The following ZEB1 variants were observed in gnomAD, a reference collection of about 807,000 sequenced individuals.
ZEB1 encodes the protein zinc finger E-box-binding homeobox 1.
Under a neutral mutation model 84.9 loss-of-function variants are expected in ZEB1, and 21 were observed. The observed-to-expected ratio is 0.25, with a 90% CI of 0.18 to 0.36. The LOEUF is 0.36. ZEB1 is among the 10% of genes least tolerant of loss of function. The pLI is 1.00. For missense variants in ZEB1, 1,104 were observed against 1,330.2 expected, an observed-to-expected ratio of 0.83 and a Z score of 2.65; for synonymous variants, 420 against 471.1, an observed-to-expected ratio of 0.89 and a Z score of 1.41.
chr10:31,407,570 CT>C (rs2053359108), intron 1 of ZEB1, among the ~76,000 whole-genome samples: 1 of 151,952 alleles, frequency 6.6e-6, no homozygotes, highest in Non-Finnish European at 1.5e-5. Flanking sequence ...GTGCATGTGT[CT>C]TTATAGCAGC....
Position 31,391,231 on chromosome 10 carries a change from TTGTGTGTG to T in ZEB1, c.59-69767_59-69760del, listed in dbSNP as rs780805467. On this transcript the variant is annotated intron_variant, in intron 1 of 8. Transcript: ENST00000424869. ...CAGAGAACAAGAACCACAGGTAAGT[TTGTGTGTG>T]TGTGTGTGTGTGTGTGTGTGTGTGT... Among the ~76,000 whole-genome samples, 827 of 134,780 alleles carry T rather than the reference TTGTGTGTG, an allele frequency of 6.1e-3. 4 individuals are homozygous for T. Among genetic ancestry groups the T allele is most frequent in the South Asian group, 7.4e-3 (29 of 3,942 alleles). The allele number at this position is 134,780 out of a possible 152,430, so 88.4% of individuals were successfully genotyped here.
chr10:31,463,921 G>C (rs1160494483), intron 2 of ZEB1, among the ~76,000 whole-genome samples: 1 of 152,150 alleles, frequency 6.6e-6, no homozygotes, highest in Non-Finnish European at 1.5e-5. Context: ...AAAGGAAGCA[G>C]AAACTGACCC....
chr10:31,482,630 C>A (rs1016786884), intron 2 of ZEB1, among the ~76,000 whole-genome samples: 1 of 151,912 alleles, frequency 6.6e-6, no homozygotes, highest in Non-Finnish European at 1.5e-5. Context: ...AAAGGGTATA[C>A]AAGAATGTTG....
chr10:31,429,387 A>G (rs977478784), intron 1 of ZEB1, among the ~76,000 whole-genome samples: 1 of 152,122 alleles, frequency 6.6e-6, no homozygotes, highest in African/African-American at 2.4e-5. Flanking sequence ...TTGACTCCCA[A>G]TCTCTTCTGG....
intron 2 of ZEB1, among the ~76,000 whole-genome samples, chr10:31,495,407 C>A (rs1203277588): frequency 1.3e-5 from 2 of 151,948 alleles, no homozygotes; most frequent in Admixed American, 6.6e-5. Context: ...ACTGCTTTTA[C>A]TTCTCTAAGA....
In ZEB1 at chr10:31,526,604, CA is replaced by C. The variant is rs1171627134; in HGVS notation, c.2786-63del. 1.8e-5 allele frequency: 28 copies of C among 1,577,520 alleles called. No individual in the cohort carries two copies. The Admixed American group carries it at 4.8e-4, about 27-fold the overall frequency. Reference sequence around the variant, plus strand: ...CCCCTTTCTACAACATGAAGTACCCCAAAAACCGTATAAGGATTTTATTTGC... The same window carrying C: ...CCCCTTTCTACAACATGAAGTACCCCAAAACCGTATAAGGATTTTATTTGC... On this transcript the variant is annotated intron_variant, in intron 8 of 8. Coordinates refer to ENST00000424869, the MANE Select transcript of ZEB1 (RefSeq NM_001174096.2).
intron 8 of ZEB1, among the ~76,000 whole-genome samples, chr10:31,525,005 G>A (rs771808354): frequency 3.0e-4 from 46 of 152,188 alleles, no homozygotes; most frequent in Non-Finnish European, 6.5e-4. Context: ...GTGAGCATAC[G>A]CATGTTTTTC....
chr10:31,346,315 G>GAA (rs2040303096), intron 1 of ZEB1, among the ~76,000 whole-genome samples: 1 of 152,156 alleles, frequency 6.6e-6, no homozygotes, highest in Non-Finnish European at 1.5e-5. Flanking sequence ...TAACTGGATA[G>GAA]TTGGTTTTCA....
chr10:31,342,235 A>AT (rs1311602356), intron 1 of ZEB1, among the ~76,000 whole-genome samples: 1 of 152,130 alleles, frequency 6.6e-6, no homozygotes, highest in Non-Finnish European at 1.5e-5. Context: ...TATTATTCCC[A>AT]TTTTACAGAT....
At chr10:31,462,478 G>A (rs1040113166) in intron 2 of ZEB1, among the ~76,000 whole-genome samples, 5 of 152,144 alleles carry the variant, frequency 3.3e-5, no homozygotes, top group Non-Finnish European at 7.4e-5. Context: ...AGGAGCATCC[G>A]AATTAGAGAA....
chr10:31,455,357 G>T (rs1341697652), intron 1 of ZEB1, among the ~76,000 whole-genome samples: 2 of 152,128 alleles, frequency 1.3e-5, no homozygotes, highest in East Asian at 1.9e-4. Flanking sequence ...CATGGGCAAA[G>T]ACTTCATATC....
chr10:31,332,313 T>TA (rs2036976260), intron 1 of ZEB1, among the ~76,000 whole-genome samples: 1 of 151,534 alleles, frequency 6.6e-6, no homozygotes, highest in Non-Finnish European at 1.5e-5. Context: ...GAATTGTATA[T>TA]TTTTTTTTCC....
intron 8 of ZEB1, among the ~76,000 whole-genome samples, chr10:31,524,850 CTTTTG>C (rs1441242379): frequency 6.6e-6 from 1 of 152,062 alleles, no homozygotes; most frequent in Admixed American, 6.5e-5. Flanking sequence ...AAGTCAAGAT[CTTTTG>C]TTTTAAGTAA....
chr10:31,362,044 G>A (rs568647112), intron 1 of ZEB1, among the ~76,000 whole-genome samples: 38 of 141,776 alleles, frequency 2.7e-4, no homozygotes, highest in Non-Finnish European at 3.5e-4. Context: ...ACGGGGCGGC[G>A]GCGGGGCAGA....
chr10:31,442,995 T>A (rs1360407090), intron 1 of ZEB1, among the ~76,000 whole-genome samples: 5 of 151,830 alleles, frequency 3.3e-5, no homozygotes, highest in Non-Finnish European at 2.9e-5. Flanking sequence ...AGATATAGAA[T>A]TAGGAGTGCT....
At chr10:31,479,448 A>G (rs1464929172) in intron 2 of ZEB1, among the ~76,000 whole-genome samples, 1 of 151,928 alleles carries the variant, frequency 6.6e-6, no homozygotes, top group Non-Finnish European at 1.5e-5. Context: ...TAAGAACACA[A>G]GAAAATTATA....
intron 1 of ZEB1, among the ~76,000 whole-genome samples, chr10:31,370,454 TAGAG>T (rs1253185704): frequency 3.3e-5 from 5 of 152,226 alleles, no homozygotes; most frequent in African/African-American, 1.2e-4. Flanking sequence ...TTACCATTTT[TAGAG>T]AGAGTTTTGA....
In ZEB1 at chr10:31,520,861, C is replaced by T. The variant is rs149705490; in HGVS notation, c.1529C>T (p.Pro510Leu). The T allele has an allele frequency of 3.1e-6, 5 of 1,613,878 alleles. No homozygotes were observed. The highest frequency in any genetic ancestry group is 4.2e-6 in the Non-Finnish European group (5 of 1,179,978). Residue 510 changes from proline to leucine, a missense_variant, in exon 7 of 9, where the codon CCA becomes CTA. Coordinates refer to ENST00000424869, the MANE Select transcript of ZEB1 (RefSeq NM_001174096.2). This position sits in a 1 kb window ranked among gnomAD's most constrained non-coding sequence, Gnocchi z 5.1. Reference sequence around the variant, plus strand: ...AACAGTTGTAAAAGTGAAAAGTTACCAGAAGATCTTACTGTTAAGTCTGAG... The same window carrying T: ...AACAGTTGTAAAAGTGAAAAGTTACTAGAAGATCTTACTGTTAAGTCTGAG... ...ATNSCKSEKL[P>L]EDLTVKSEKD...
At chr10:31,366,615 G>A (rs1032285557) in intron 1 of ZEB1, among the ~76,000 whole-genome samples, 14 of 152,234 alleles carry the variant, frequency 9.2e-5, no homozygotes, top group Admixed American at 9.2e-4. Context: ...TCCAGTGTTG[G>A]CAAATATTCA....
Sources: allele counts gnomAD v4.1 joint callset (sites outside exome capture counted in the v4.1 genomes callset), GRCh38; gene constraint gnomAD v4.1.1; non-coding constraint Gnocchi (gnomAD v3.1); transcripts MANE v1.5; gene names NCBI Gene and HGNC (gene_info 2026-07-23, HGNC 2026-07-21).